CHD1L: variants seen among roughly 807,000 people sequenced by gnomAD.
The protein encoded by CHD1L is chromodomain helicase DNA binding protein 1 like.
In CHD1L, 118 loss-of-function variants were observed where a neutral mutation model predicts 115.9. That is an observed-to-expected ratio of 1.02 (90% CI 0.88 to 1.19). The LOEUF is 1.19. CHD1L is among the 50% of genes most tolerant of loss of function. The probability of loss-of-function intolerance (pLI) is 0.00; values close to 1 mark genes in which losing one functional copy is unlikely to be tolerated. For synonymous variants in CHD1L, 411 were observed against 387.1 expected (o/e 1.06, Z -0.72); for missense variants, 1,179 against 1,065.3 (o/e 1.11, Z -1.49).
At chr1:147,246,690 T>A (rs1332734020) in intron 1 of CHD1L, among the ~76,000 whole-genome samples, 1 of 152,218 alleles carries the variant, frequency 6.6e-6, no homozygotes, top group Non-Finnish European at 1.5e-5. Context: ...AATGTCTTTT[T>A]CTGTCTTTTG....
chr1:147,194,625 TG>T, the CHD1L span, among the ~76,000 whole-genome samples: 906 of 152,322 alleles, frequency 5.9e-3, 4 homozygotes, highest in Middle Eastern at 0.01. Flanking sequence ...CATTTTGGCA[TG>T]TTTTTGCAGT....
chr1:147,280,030 G>T lies in CHD1L; in HGVS notation c.1544G>T (p.Ser515Ile), dbSNP rs1410062996. Residue 515 changes from serine (S) to isoleucine (I), a missense_variant, in exon 15 of 23, where the codon AGT (serine) becomes ATT (isoleucine). Physicochemically the swap from Ser to Ile is moderately radical, Grantham distance 142. Transcript: ENST00000369258. Reference sequence around the variant, plus strand: ...TTTTTGTTTCCTCTATTCAAGTTGAGTGAGATACTCAAATTTGGTTTGGAT... The same window carrying T: ...TTTTTGTTTCCTCTATTCAAGTTGATTGAGATACTCAAATTTGGTTTGGAT... ...KPAADADLQL[S>I]EILKFGLDKL... The T allele has an allele frequency of 6.2e-7, 1 of 1,613,680 alleles. No individual in the cohort carries two copies. The highest frequency in any genetic ancestry group is 8.5e-7 in the Non-Finnish European group (1 of 1,180,002).
chr1:147,280,539 T>C (rs1298881718), intron 15 of CHD1L, among the ~76,000 whole-genome samples: 3 of 152,250 alleles, frequency 2.0e-5, no homozygotes, highest in African/African-American at 7.2e-5. Context: ...GCTTTGCACA[T>C]AGCGATTCCT....
chr1:147,211,927 G>T, the CHD1L span, among the ~76,000 whole-genome samples: 8 of 152,274 alleles, frequency 5.3e-5, no homozygotes, highest in Admixed American at 1.3e-4. Flanking sequence ...TCCATTTGGG[G>T]AGTGTAAAGG....
At position 147,270,898 on chromosome 1, in the gene CHD1L, A is replaced by G. The variant is rs587764779; in HGVS notation, c.1086-34A>G. On this transcript the variant is annotated intron_variant, in intron 10 of 22. Coordinates refer to ENST00000369258, the MANE Select transcript of CHD1L (RefSeq NM_004284.6). Reference sequence around the variant, plus strand: ...GGAAATTGACCTTAAATACCACTAGACTTGGCAGTGTTTCCTTTTCTTTTT... The same window carrying G: ...GGAAATTGACCTTAAATACCACTAGGCTTGGCAGTGTTTCCTTTTCTTTTT... The G allele has an allele frequency of 3.6e-5, 57 of 1,592,056 alleles. No individual in the cohort carries two copies. In the South Asian group the frequency reaches 5.6e-4, roughly 16 times the overall value.
At chr1:147,266,111 T>C in intron 8 of CHD1L, 24 bp downstream of exon 8, 1 of 1,590,362 alleles carries the variant, frequency 6.3e-7, no homozygotes, top group South Asian at 1.2e-5. Context: ...ACTTGTCCAT[T>C]TAGAAACTAA....
intron 1 of CHD1L, 115 bp downstream of exon 1, chr1:147,242,945 A>G: frequency 1.7e-6 from 2 of 1,159,770 alleles, no homozygotes; most frequent in African/African-American, 1.6e-5. Flanking sequence ...CGCTCGCGCC[A>G]GGGCCTTCCT....
chr1:147,247,318 G>A (rs1666932477), intron 1 of CHD1L, among the ~76,000 whole-genome samples: 1 of 152,120 alleles, frequency 6.6e-6, no homozygotes, highest in African/African-American at 2.4e-5. Flanking sequence ...CCTAATGAAA[G>A]GTGTTTAGGT....
chr1:147,292,736 A>G (rs755898851), intron 20 of CHD1L, among the ~76,000 whole-genome samples: 4 of 152,174 alleles, frequency 2.6e-5, no homozygotes, highest in Non-Finnish European at 5.9e-5. Flanking sequence ...GAGTGGGGGA[A>G]GGTGCCACAC....
At chr1:147,186,765 G>A in the CHD1L span, 28 of 1,455,660 alleles carry the variant, frequency 1.9e-5, no homozygotes, top group South Asian at 8.9e-5. Flanking sequence ...AAAAAGGAAA[G>A]TGAATTAATG....
the CHD1L span, chr1:147,204,721 G>C: frequency 6.6e-7 from 1 of 1,511,158 alleles, no homozygotes; most frequent in Non-Finnish European, 9.2e-7. Context: ...TCTTAAAATA[G>C]TCGCTGCATC....
At chr1:147,295,282 T>C (rs1219942521) in intron 22 of CHD1L, 149 bp from the exon 23 acceptor site, 1 of 640,646 alleles carries the variant, frequency 1.6e-6, no homozygotes, top group African/African-American at 1.9e-5. Flanking sequence ...CAGCAATAAG[T>C]ACTAATATTG....
At chr1:147,228,010 T>TTC in the CHD1L span, among the ~76,000 whole-genome samples, 3 of 1,914 alleles carry the variant, frequency 1.6e-3, no homozygotes, top group Non-Finnish European at 5.9e-3. Context: ...TGGAGGCCAC[T>TTC]TTTTTTTTTT....
chr1:147,237,322 A>G, the CHD1L span, among the ~76,000 whole-genome samples: 2 of 151,932 alleles, frequency 1.3e-5, no homozygotes, highest in Non-Finnish European at 2.9e-5. Flanking sequence ...TGGTTTGAGC[A>G]GCTATAGCTG....
At chr1:147,208,756 T>C in the CHD1L span, 2 of 1,008,426 alleles carry the variant, frequency 2.0e-6, no homozygotes, top group Non-Finnish European at 3.0e-6. Context: ...GTTTTCTTAA[T>C]GTATGGGTAG....
Position 147,271,024 on chromosome 1 carries a change from T to G in CHD1L, c.1159+19T>G. On this transcript the variant is annotated intron_variant, in intron 11 of 22. Transcript: ENST00000369258. ...TACAGAGGTGACACCTTTTGGCCAC[T>G]ACATTACCTAAGGCTCTGTTAGACT... 6.3e-7 allele frequency: 1 copy of G among 1,594,116 alleles called. No homozygotes were observed. Among genetic ancestry groups the G allele is most frequent in the South Asian group, 1.1e-5 (1 of 90,668 alleles).
intron 1 of CHD1L, among the ~76,000 whole-genome samples, chr1:147,244,206 A>G (rs1002948244): frequency 6.6e-6 from 1 of 152,246 alleles, no homozygotes; most frequent in African/African-American, 2.4e-5. Context: ...AGCTGTGGAT[A>G]ATATGCCAGG....
At chr1:147,205,663 G>A in the CHD1L span, among the ~76,000 whole-genome samples, 1 of 152,076 alleles carries the variant, frequency 6.6e-6, no homozygotes, top group Admixed American at 6.6e-5. Flanking sequence ...CAAGAAATGG[G>A]GAAAGGATTC....
At chr1:147,278,256 C>T (rs1400593861) in intron 14 of CHD1L, among the ~76,000 whole-genome samples, 1 of 101,954 alleles carries the variant, frequency 9.8e-6, no homozygotes. Context: ...GACAGAGTCT[C>T]GTTCTGTTGC....
Sources: allele counts gnomAD v4.1 joint callset (sites outside exome capture counted in the v4.1 genomes callset), GRCh38; gene constraint gnomAD v4.1.1; transcripts MANE v1.5; gene names NCBI Gene and HGNC (gene_info 2026-07-23, HGNC 2026-07-21).